Variants in MYCT1 observed in about 807,000 individuals in gnomAD.
The protein encoded by MYCT1 is MYC target 1.
Under a neutral mutation model 15.0 loss-of-function variants are expected in MYCT1, and 12 were observed. The ratio of observed to expected loss-of-function variants is 0.80; its 90% CI spans 0.51 to 1.29. The LOEUF (loss-of-function observed/expected upper bound fraction) is 1.29. MYCT1 is among the 50% of genes most tolerant of loss of function. The pLI is 0.00. For missense variants in MYCT1, 287 were observed against 279.1 expected, an observed-to-expected ratio of 1.03 and a Z score of -0.20; for synonymous variants, 104 against 102.7, an observed-to-expected ratio of 1.01 and a Z score of -0.07.
the MYCT1 span, among the ~76,000 whole-genome samples, chr6:152,734,283 A>G: frequency 6.6e-6 from 1 of 152,168 alleles, no homozygotes; most frequent in Admixed American, 6.6e-5. Context: ...TATTATTCTA[A>G]GGATTTCAGT....
rs1158055299 is a variant in MYCT1 at position 152,724,297 on chromosome 6, G to C, written c.*2044G>C. 1 of 149,702 alleles carries C rather than the reference G, an allele frequency of 6.7e-6. No homozygotes were observed. Among genetic ancestry groups the C allele is most frequent in the Non-Finnish European group, 1.5e-5 (1 of 67,744 alleles). The allele number at this position is 149,702 out of a possible 1,614,324, so 9.3% of individuals were successfully genotyped here. A position where few individuals can be genotyped will look rare whatever the true frequency, so the allele number is the denominator to read the frequency against. ...GTCTAACATGAAAAATCAGCAAAGA[G>C]TATGGTTTTTATCAAGAATTTGTGT... On this transcript the variant is annotated 3_prime_UTR_variant, in exon 2 of 2. Coordinates refer to ENST00000367245, the MANE Select transcript of MYCT1 (RefSeq NM_025107.3).
chr6:152,721,934 G>T lies in MYCT1; in HGVS notation c.389G>T (p.Gly130Val), dbSNP rs2099724782. The T allele has an allele frequency of 6.2e-7, 1 of 1,614,148 alleles. No homozygotes were observed. The highest frequency in any genetic ancestry group is 8.5e-7 in the Non-Finnish European group (1 of 1,179,996). ...LNRTGFYRHS[G>V]CERRSNLSLA... The stretch of plus-strand genomic sequence containing the variant: ...AGAACTGGATTTTACCGCCACAGTG[G>T]CTGTGAACGTCGAAGCAACCTCAGC... The change falls in exon 2 of 2, where the codon GGC becomes GTC. Residue 130 changes from glycine to valine, a missense_variant. Gly to Val is a moderately radical substitution (Grantham distance 109). Transcript: ENST00000367245.
intron 1 of MYCT1, among the ~76,000 whole-genome samples, chr6:152,718,502 T>C (rs1291905464): frequency 6.6e-6 from 1 of 152,126 alleles, no homozygotes; most frequent in Non-Finnish European, 1.5e-5. Flanking sequence ...CACCTCGGCC[T>C]CGCAAAGTGC....
the MYCT1 span, among the ~76,000 whole-genome samples, chr6:152,734,282 A>T: frequency 2.0e-5 from 3 of 152,148 alleles, no homozygotes; most frequent in African/African-American, 7.2e-5. Context: ...ATATTATTCT[A>T]AGGATTTCAG....
the MYCT1 span, among the ~76,000 whole-genome samples, chr6:152,746,888 A>C: frequency 6.6e-6 from 1 of 152,192 alleles, no homozygotes; most frequent in East Asian, 1.9e-4. Context: ...ACAGATAACG[A>C]GGTTTTGGAG....
In MYCT1 at chr6:152,722,218, T is replaced by A; in HGVS notation, c.673T>A (p.Tyr225Asn). 1 of 1,613,980 alleles carries A rather than the reference T, an allele frequency of 6.2e-7. No individual in the cohort carries two copies. The highest frequency in any genetic ancestry group is 8.5e-7 in the Non-Finnish European group (1 of 1,179,948). The part of the protein sequence containing the change: ...VGLSTPPPPA[Y>N]ESIIKAFPDS ...CCTTTCAACACCGCCCCCACCTGCCTATGAGTCCATCATCAAGGCATTCCC... is the reference window on the plus strand; with the variant it reads ...CCTTTCAACACCGCCCCCACCTGCCAATGAGTCCATCATCAAGGCATTCCC... Residue 225 changes from tyrosine to asparagine, a missense_variant, in exon 2 of 2, where the codon TAT (tyrosine) becomes AAT (asparagine). Tyr to Asn is a moderately radical substitution (Grantham distance 143, BLOSUM62 -2). Transcript: ENST00000367245.
Position 152,722,363 on chromosome 6 carries a change from T to C in MYCT1, c.*110T>C, listed in dbSNP as rs2099724871. 4.5e-6 allele frequency: 5 copies of C among 1,107,622 alleles called. No individual in the cohort carries two copies. In the Admixed American group the frequency reaches 1.3e-4, roughly 29 times the overall value. 68.6% of individuals were successfully genotyped at this position (1,107,622 alleles called of 1,614,324 possible). ...GGCATGGCCCAAATAACTCATGAGT[T>C]CCAAGTTGAAACATGGTTGTGCAAG... On this transcript the variant is annotated 3_prime_UTR_variant, in exon 2 of 2. Coordinates refer to ENST00000367245, the MANE Select transcript of MYCT1 (RefSeq NM_025107.3).
At chr6:152,712,727 C>CT (rs1377699976) in intron 1 of MYCT1, among the ~76,000 whole-genome samples, 11 of 152,068 alleles carry the variant, frequency 7.2e-5, no homozygotes, top group Non-Finnish European at 1.0e-4. Flanking sequence ...GAGTTGACAG[C>CT]TTTTTTAAAA....
chr6:152,707,834 C>T (rs1305780272), intron 1 of MYCT1, among the ~76,000 whole-genome samples: 2 of 151,974 alleles, frequency 1.3e-5, no homozygotes, highest in East Asian at 3.9e-4. Flanking sequence ...TGGGCTTCCT[C>T]CCTATTATGT....
downstream of MYCT1, among the ~76,000 whole-genome samples, chr6:152,728,025 G>A (rs1397845445): frequency 4.6e-5 from 7 of 152,028 alleles, no homozygotes; most frequent in South Asian, 2.1e-4. Context: ...TTAGCCAGGC[G>A]TGGTGGTGTG....
chr6:152,697,933 A>T lies in MYCT1; in HGVS notation c.31A>T (p.Lys11Ter), dbSNP rs1201439215. MRTQVYEGLC[K>*]NYFSLAVLQR... Reference sequence around the variant, plus strand: ...AACACAAGTATATGAGGGGTTGTGTAAAAATTATTTTTCTCTTGCTGTACT... The same window carrying T: ...AACACAAGTATATGAGGGGTTGTGTTAAAATTATTTTTCTCTTGCTGTACT... Residue 11 changes from lysine to a stop codon, truncating the protein, a stop_gained, in exon 1 of 2, where the codon AAA (lysine) becomes TAA (stop). Coordinates refer to ENST00000367245, the MANE Select transcript of MYCT1 (RefSeq NM_025107.3). LOFTEE classifies it high-confidence loss of function. The T allele has an allele frequency of 6.2e-7, 1 of 1,600,510 alleles. No individual in the cohort carries two copies. Among genetic ancestry groups the T allele is most frequent in the African/African-American group, 1.4e-5 (1 of 73,916 alleles).
chr6:152,705,373 C>T (rs960697734), intron 1 of MYCT1, among the ~76,000 whole-genome samples: 8 of 152,120 alleles, frequency 5.3e-5, no homozygotes, highest in African/African-American at 1.4e-4. Flanking sequence ...ACTGGAAGTA[C>T]AGTTTCTACT....
chr6:152,745,322 G>A, the MYCT1 span, among the ~76,000 whole-genome samples: 1 of 152,170 alleles, frequency 6.6e-6, no homozygotes, highest in South Asian at 2.1e-4. Flanking sequence ...CCTCTGCCAG[G>A]TGCAGTGGCT....
the MYCT1 span, among the ~76,000 whole-genome samples, chr6:152,743,052 A>AGTT: frequency 8.6e-3 from 1,300 of 151,864 alleles, 19 homozygotes; most frequent in African/African-American, 0.03. Flanking sequence ...ATTATTTTGT[A>AGTT]GTTGTTGTTG....
chr6:152,739,409 T>C, the MYCT1 span, among the ~76,000 whole-genome samples: 9 of 151,872 alleles, frequency 5.9e-5, no homozygotes, highest in Admixed American at 5.9e-4. Flanking sequence ...ATAGAATCAT[T>C]GGTTTAAATT....
intron 1 of MYCT1, among the ~76,000 whole-genome samples, chr6:152,705,033 C>G (rs2800635): frequency 6.6e-6 from 1 of 151,976 alleles, no homozygotes; most frequent in Non-Finnish European, 1.5e-5. Context: ...TGGCAATCAT[C>G]ATTCTCTGCT....
the MYCT1 span, among the ~76,000 whole-genome samples, chr6:152,746,078 C>T: frequency 2.8e-4 from 43 of 152,320 alleles, no homozygotes; most frequent in South Asian, 7.0e-3. Context: ...GTAGAGGGGC[C>T]ATGAGAACTC....
chr6:152,706,514 G>A (rs2099722297), intron 1 of MYCT1, among the ~76,000 whole-genome samples: 1 of 152,088 alleles, frequency 6.6e-6, no homozygotes, highest in Admixed American at 6.6e-5. Context: ...CCTTTCTGTG[G>A]AGAGTGAGAA....
At chr6:152,701,907 A>G (rs2099721390) in intron 1 of MYCT1, among the ~76,000 whole-genome samples, 1 of 152,142 alleles carries the variant, frequency 6.6e-6, no homozygotes, top group Non-Finnish European at 1.5e-5. Context: ...AGCCTTCCTT[A>G]GGAGGTTGGG....
Sources: gnomAD v4.1 joint callset for allele counts (sites outside exome capture counted in the v4.1 genomes callset) on GRCh38, gnomAD v4.1.1 for gene constraint, MANE v1.5 for transcripts, NCBI Gene and HGNC (gene_info 2026-07-23, HGNC 2026-07-21) for gene names.